PACRG: variants seen among roughly 807,000 people sequenced by gnomAD.
PACRG encodes parkin coregulated.
A neutral mutation model predicts 29.7 loss-of-function variants in PACRG; 29 were observed. The observed-to-expected ratio is 0.98, with a 90% confidence interval of 0.73 to 1.33. The LOEUF (loss-of-function observed/expected upper bound fraction) is 1.33, where lower values mean the gene tolerates loss of function less well. PACRG is among the 40% of genes most tolerant of loss of function. PACRG has a pLI of 0.00. For synonymous variants in PACRG, 116 were observed against 118.7 expected (o/e 0.98, Z 0.15); for missense variants, 279 against 316.2 (o/e 0.88, Z 0.89).
At chr6:162,969,509 G>A (rs1205015594) in intron 2 of PACRG, among the ~76,000 whole-genome samples, 1 of 151,878 alleles carries the variant, frequency 6.6e-6, no homozygotes, top group African/African-American at 2.4e-5. Flanking sequence ...GCCACAAGAA[G>A]CAAAAGTGAC....
chr6:162,730,378 A>G (rs1160235024), intron 1 of PACRG, among the ~76,000 whole-genome samples: 1 of 152,002 alleles, frequency 6.6e-6, no homozygotes, highest in African/African-American at 2.4e-5. Flanking sequence ...GTGTATGCCA[A>G]TTTCCAGCTT....
chr6:162,852,001 G>GGAAGGAAGGAAAGGAAGGA (rs1554291923), intron 2 of PACRG, among the ~76,000 whole-genome samples: 13 of 100,064 alleles, frequency 1.3e-4, no homozygotes, highest in African/African-American at 5.4e-4. Flanking sequence ...GGGAGGGAGG[G>GGAAGGAAGGAAAGGAAGGA]AGGGAGGAAG....
intron 4 of PACRG, among the ~76,000 whole-genome samples, chr6:163,213,279 T>C (rs1363840416): frequency 6.7e-6 from 1 of 149,728 alleles, no homozygotes; most frequent in African/African-American, 2.5e-5. Context: ...TGTAACCTTT[T>C]AAAATGTCCA....
chr6:163,314,797 C>T (rs374644801), intron 4 of PACRG, 30 bp from the exon 5 acceptor site: 34 of 1,607,092 alleles, frequency 2.1e-5, no homozygotes, highest in African/African-American at 4.0e-5. Context: ...AGAGAAGTAA[C>T]TGGCCTCTTT....
intron 4 of PACRG, among the ~76,000 whole-genome samples, chr6:163,200,014 C>A (rs1466172195): frequency 6.6e-6 from 1 of 152,092 alleles, no homozygotes; most frequent in Non-Finnish European, 1.5e-5. Context: ...TTTCTGCAGA[C>A]TTGCCGAAGA....
At chr6:163,117,191 A>G (rs181426025) in intron 4 of PACRG, among the ~76,000 whole-genome samples, 2 of 152,232 alleles carry the variant, frequency 1.3e-5, no homozygotes, top group Non-Finnish European at 2.9e-5. Flanking sequence ...CCTGCAAACC[A>G]TCTAGGAAAG....
chr6:163,133,597 T>C (rs1004990538), intron 4 of PACRG, among the ~76,000 whole-genome samples: 2 of 152,214 alleles, frequency 1.3e-5, no homozygotes, highest in African/African-American at 4.8e-5. Flanking sequence ...TTTCTGCCTG[T>C]CCACGGAGTC....
chr6:162,914,508 G>GTTTTTTTTTTT (rs3028611), intron 2 of PACRG, among the ~76,000 whole-genome samples: 17 of 95,098 alleles, frequency 1.8e-4, no homozygotes, highest in Non-Finnish European at 2.3e-4. Context: ...GTACTTTTTT[G>GTTTTTTTTTTT]TTTTTTTTTT....
intron 4 of PACRG, among the ~76,000 whole-genome samples, chr6:163,298,170 G>A (rs1310912736): frequency 6.6e-6 from 1 of 151,912 alleles, no homozygotes; most frequent in Non-Finnish European, 1.5e-5. Flanking sequence ...GCTTCCCAGG[G>A]TGATAAGATG....
At chr6:163,149,379 G>T (rs1777977886) in intron 4 of PACRG, among the ~76,000 whole-genome samples, 1 of 152,084 alleles carries the variant, frequency 6.6e-6, no homozygotes, top group Non-Finnish European at 1.5e-5. Context: ...GTCTCCACCC[G>T]GTAGATTTAA....
chr6:163,069,486 T>C (rs535507058), intron 3 of PACRG, among the ~76,000 whole-genome samples: 1 of 152,120 alleles, frequency 6.6e-6, no homozygotes, highest in South Asian at 2.1e-4. Context: ...AGCAGAAATT[T>C]TGGAGTTGAA....
intron 3 of PACRG, among the ~76,000 whole-genome samples, chr6:163,076,626 T>C (rs1333772243): frequency 6.6e-6 from 1 of 152,240 alleles, no homozygotes; most frequent in Non-Finnish European, 1.5e-5. Context: ...TATTTCTTAC[T>C]ATTTCCCTTC....
chr6:162,746,589 A>C (rs1781002600), intron 1 of PACRG, among the ~76,000 whole-genome samples: 1 of 152,214 alleles, frequency 6.6e-6, no homozygotes, highest in Non-Finnish European at 1.5e-5. Flanking sequence ...CATTATTAGG[A>C]GTAAATATGA....
rs1781672046 is a variant in PACRG, at chr6:163,223,610, AAAG to A, written c.614-91210_614-91208del. Among the ~76,000 whole-genome samples, 4 of 152,316 alleles carry A rather than the reference AAAG, an allele frequency of 2.6e-5. No homozygotes were observed. In the South Asian group the frequency reaches 8.3e-4, roughly 32 times the overall value. On this transcript the variant is annotated intron_variant, in intron 4 of 4. Transcript: ENST00000366888. ...TGCACAGGAAAAAGTAAATGCTATAAAAGAAGAAGCCTAAATCAAGGGTTACAG... is the reference window on the plus strand; with the variant it reads ...TGCACAGGAAAAAGTAAATGCTATAAAAGAAGCCTAAATCAAGGGTTACAG...
intron 1 of PACRG, among the ~76,000 whole-genome samples, chr6:162,739,970 A>G (rs574643788): frequency 6.6e-6 from 1 of 151,718 alleles, no homozygotes; most frequent in Non-Finnish European, 1.5e-5. Context: ...TTTAACTGCA[A>G]ATTTACTTTT....
chr6:162,756,365 G>A (rs1452758991), intron 1 of PACRG, among the ~76,000 whole-genome samples: 6 of 152,080 alleles, frequency 3.9e-5, no homozygotes, highest in Admixed American at 3.9e-4. Flanking sequence ...GGTCTTCATG[G>A]TGAACTAACC....
upstream of PACRG, chr6:162,727,961 G>A (rs539607525): frequency 4.9e-4 from 293 of 598,164 alleles, no homozygotes; most frequent in Non-Finnish European, 7.9e-4. Context: ...TGCGCCCGCC[G>A]TGTTGACCAG....
intron 2 of PACRG, among the ~76,000 whole-genome samples, chr6:162,969,041 T>C (rs1333841980): frequency 1.2e-3 from 20 of 17,286 alleles, no homozygotes; most frequent in Non-Finnish European, 1.9e-3. Flanking sequence ...AGCGAGACTC[T>C]ATCACAAAAA....
intron 2 of PACRG, among the ~76,000 whole-genome samples, chr6:163,019,549 C>T (rs890109635): frequency 2.6e-5 from 4 of 151,668 alleles, no homozygotes; most frequent in African/African-American, 4.9e-5. Context: ...TGAACTGGAG[C>T]GTGCACAACC....
Sources: gnomAD v4.1 joint callset for allele counts (sites outside exome capture counted in the v4.1 genomes callset) on GRCh38, gnomAD v4.1.1 for gene constraint, MANE v1.5 for transcripts, NCBI Gene and HGNC (gene_info 2026-07-23, HGNC 2026-07-21) for gene names.